TMCC1: variants seen among roughly 807,000 people sequenced by gnomAD.
The protein encoded by TMCC1 is transmembrane and coiled-coil domain family 1.
A neutral mutation model predicts 52.4 loss-of-function variants in TMCC1; 15 were observed. The ratio of observed to expected loss-of-function variants is 0.29; its 90% CI spans 0.19 to 0.44. The LOEUF is 0.44. TMCC1 is among the 20% of genes least tolerant of loss of function. The pLI, the probability that TMCC1 is intolerant of heterozygous loss-of-function variation, is 1.00. For missense variants in TMCC1, 503 were observed against 806.0 expected (o/e 0.62, Z 4.55); for synonymous variants, 279 against 301.9 (o/e 0.92, Z 0.79).
At chr3:129,694,458 T>C (rs2047253809) in intron 4 of TMCC1, among the ~76,000 whole-genome samples, 1 of 152,254 alleles carries the variant, frequency 6.6e-6, no homozygotes, top group Admixed American at 6.5e-5. Context: ...AAAGTCAGGT[T>C]AAGACCTGCT....
chr3:129,721,535 G>A (rs1314759603), intron 4 of TMCC1, among the ~76,000 whole-genome samples: 2 of 151,756 alleles, frequency 1.3e-5, no homozygotes, highest in Admixed American at 6.6e-5. Flanking sequence ...CCTTCAAAAT[G>A]TTCATTCTGT....
At chr3:129,862,221 T>C (rs1002995197) in intron 2 of TMCC1, among the ~76,000 whole-genome samples, 1 of 152,084 alleles carries the variant, frequency 6.6e-6, no homozygotes, top group Non-Finnish European at 1.5e-5. Context: ...GGGGTGGAAA[T>C]GTGGAATGAC....
At chr3:129,771,604 G>A (rs1163961621) in intron 4 of TMCC1, among the ~76,000 whole-genome samples, 2 of 151,558 alleles carry the variant, frequency 1.3e-5, no homozygotes, top group African/African-American at 4.8e-5. Flanking sequence ...GTGAGACCCT[G>A]TCTCTACAAA....
intron 2 of TMCC1, among the ~76,000 whole-genome samples, chr3:129,852,312 T>C (rs932960097): frequency 1.3e-5 from 2 of 151,574 alleles, no homozygotes; most frequent in Non-Finnish European, 2.9e-5. Context: ...CAAAAATTAG[T>C]TGGATGTGGT....
At chr3:129,863,214 TA>T (rs1422542262) in intron 2 of TMCC1, among the ~76,000 whole-genome samples, 1 of 152,250 alleles carries the variant, frequency 6.6e-6, no homozygotes, top group African/African-American at 2.4e-5. Flanking sequence ...TTAAGCTATA[TA>T]TACATCTTTG....
At chr3:129,883,422 G>C (rs377585162) in intron 1 of TMCC1, among the ~76,000 whole-genome samples, 12 of 152,166 alleles carry the variant, frequency 7.9e-5, no homozygotes, top group Non-Finnish European at 1.8e-4. Flanking sequence ...AGATCAGTCC[G>C]GGCAACATGG....
chr3:129,701,541 T>C (rs191694171), intron 4 of TMCC1, among the ~76,000 whole-genome samples: 37 of 152,348 alleles, frequency 2.4e-4, no homozygotes, highest in Non-Finnish European at 2.8e-4. Context: ...GAAATTACTG[T>C]GGTCATATGA....
intron 4 of TMCC1, among the ~76,000 whole-genome samples, chr3:129,679,862 T>C (rs1419691365): frequency 6.6e-6 from 1 of 152,182 alleles, no homozygotes; most frequent in African/African-American, 2.4e-5. Context: ...CTCTTATTTA[T>C]TCAGAGTATT....
chr3:129,842,051 T>C (rs1299383041), intron 2 of TMCC1, among the ~76,000 whole-genome samples: 1 of 152,202 alleles, frequency 6.6e-6, no homozygotes, highest in African/African-American at 2.4e-5. Flanking sequence ...AATGTGTATG[T>C]ACCTTAAAAC....
At chr3:129,675,055 G>T (rs149318754) in intron 4 of TMCC1, among the ~76,000 whole-genome samples, 178 of 152,240 alleles carry the variant, frequency 1.2e-3, no homozygotes, top group African/African-American at 3.7e-3. Context: ...GCCCAGGCTG[G>T]TCTTGAATTC....
At chr3:129,760,434 G>T (rs892829851) in intron 4 of TMCC1, among the ~76,000 whole-genome samples, 2 of 122,856 alleles carry the variant, frequency 1.6e-5, no homozygotes, top group African/African-American at 5.4e-5. Context: ...GTGTGTGTGT[G>T]TTTTTGAGAC....
intron 2 of TMCC1, among the ~76,000 whole-genome samples, chr3:129,853,816 C>T (rs2060022867): frequency 6.6e-6 from 1 of 152,022 alleles, no homozygotes; most frequent in African/African-American, 2.4e-5. Context: ...CAAAACAAAA[C>T]CTGTCTTCCT....
chr3:129,668,941 A>C (rs2087691103), intron 5 of TMCC1, among the ~76,000 whole-genome samples: 1 of 152,224 alleles, frequency 6.6e-6, no homozygotes, highest in Non-Finnish European at 1.5e-5. Flanking sequence ...AAGAATTTAT[A>C]AAACACTTAA....
intron 4 of TMCC1, among the ~76,000 whole-genome samples, chr3:129,827,208 T>A (rs534142001): frequency 1.3e-5 from 2 of 152,332 alleles, no homozygotes; most frequent in African/African-American, 4.8e-5. Context: ...TAACCATAAC[T>A]GAGAGTTATA....
At chr3:129,841,692 T>C (rs573450038) in intron 2 of TMCC1, among the ~76,000 whole-genome samples, 1 of 152,352 alleles carries the variant, frequency 6.6e-6, no homozygotes, top group African/African-American at 2.4e-5. Context: ...CATAAAAGTT[T>C]GGAAAATTTG....
intron 4 of TMCC1, among the ~76,000 whole-genome samples, chr3:129,703,518 C>T (rs972139248): frequency 3.3e-5 from 5 of 152,182 alleles, no homozygotes; most frequent in African/African-American, 1.2e-4. Flanking sequence ...CTCTGCCAGT[C>T]ATCAGCTGTG....
chr3:129,883,793 A>G (rs1288971112), intron 1 of TMCC1, among the ~76,000 whole-genome samples: 1 of 152,202 alleles, frequency 6.6e-6, no homozygotes, highest in Non-Finnish European at 1.5e-5. Flanking sequence ...AGCCTGACCA[A>G]CTTGGTTTCA....
intron 4 of TMCC1, among the ~76,000 whole-genome samples, chr3:129,745,236 A>G (rs1368763271): frequency 6.6e-6 from 1 of 152,206 alleles, no homozygotes; most frequent in African/African-American, 2.4e-5. Context: ...TTAAACATGC[A>G]CTCACACTTC....
chr3:129,724,135 T>C (rs16862624), intron 4 of TMCC1, among the ~76,000 whole-genome samples: 13,453 of 152,104 alleles, frequency 0.088, 662 homozygotes, highest in Middle Eastern at 0.15. Context: ...GCAGTATCAC[T>C]GTAATATGAA....
Sources: allele counts gnomAD v4.1 joint callset (sites outside exome capture counted in the v4.1 genomes callset), GRCh38; gene constraint gnomAD v4.1.1; transcripts MANE v1.5; gene names NCBI Gene and HGNC (gene_info 2026-07-23, HGNC 2026-07-21).